Variants in PTPRB observed in about 807,000 individuals in gnomAD.
PTPRB encodes the protein protein tyrosine phosphatase receptor type B.
Under a neutral mutation model 238.1 loss-of-function variants are expected in PTPRB, and 97 were observed. The observed-to-expected ratio is 0.41, with a 90% CI of 0.35 to 0.48. The LOEUF (loss-of-function observed/expected upper bound fraction) is 0.48, where lower values mean the gene tolerates loss of function less well. PTPRB is among the 20% of genes least tolerant of loss of function. PTPRB has a pLI of 0.30. For missense variants in PTPRB, 2,292 were observed against 2,681.9 expected (o/e 0.85, Z 3.21); for synonymous variants, 970 against 995.4 (o/e 0.97, Z 0.48).
At chr12:70,608,279 A>C (rs1361831344) in intron 4 of PTPRB, among the ~76,000 whole-genome samples, 1 of 152,238 alleles carries the variant, frequency 6.6e-6, no homozygotes, top group African/African-American at 2.4e-5. Context: ...TTGTTAAAGA[A>C]TTTAGAGCAT....
chr12:70,622,767 G>T, intron 2 of PTPRB, 121 bp from the exon 3 acceptor site: 3 of 1,217,280 alleles, frequency 2.5e-6, no homozygotes, highest in Non-Finnish European at 3.3e-6. Context: ...ATAAGCTTCA[G>T]TTATATGAAA....
chr12:70,571,141 T>C lies in PTPRB; in HGVS notation c.3255A>G (p.Val1085=). Residue 1085 remains valine (V), a synonymous_variant, in exon 13 of 34, where the codon GTA becomes GTG. Coordinates refer to ENST00000334414, the MANE Select transcript of PTPRB (RefSeq NM_001109754.4). The part of the protein sequence containing the change: ...DMKVFPPFHL[V]NTATEYRFTS... ...TAAATCGATACTCGGTTGCGGTATT[T>C]ACAAGGTGAAAAGGAGGAAATACTT... 1 of 1,613,996 alleles carries C rather than the reference T, an allele frequency of 6.2e-7. No homozygotes were observed. Among genetic ancestry groups the C allele is most frequent in the South Asian group, 1.1e-5 (1 of 91,082 alleles).
chr12:70,622,953 G>GGC (rs1555240200), intron 2 of PTPRB, among the ~76,000 whole-genome samples: 1 of 151,402 alleles, frequency 6.6e-6, no homozygotes, highest in African/African-American at 2.4e-5. Flanking sequence ...GAATTTAGGG[G>GGC]GGGGGTCACT....
Position 70,587,230 on chromosome 12 carries a change from G to A in PTPRB, c.2088C>T (p.Ala696=), listed in dbSNP as rs1209993512. Residue 696 remains alanine, a synonymous_variant, in exon 9 of 34, where the codon GCC becomes GCT. Coordinates refer to ENST00000334414, the MANE Select transcript of PTPRB (RefSeq NM_001109754.4). ...ACATGATACTCAGTGAGGTTTCATTGGCATGTTTGACACGAAGCTGGAGGA... is the reference window on the plus strand; with the variant it reads ...ACATGATACTCAGTGAGGTTTCATTAGCATGTTTGACACGAAGCTGGAGGA... ...LAVLQLRVKH[A]NETSLSIMWQ... is the part of the protein sequence containing the mutation. 1.2e-6 allele frequency: 2 copies of A among 1,613,844 alleles called. No homozygotes were observed. The highest frequency in any genetic ancestry group is 2.2e-5 in the South Asian group (2 of 91,070).
intron 3 of PTPRB, among the ~76,000 whole-genome samples, chr12:70,621,754 T>A (rs1884945193): frequency 6.6e-6 from 1 of 152,190 alleles, no homozygotes; most frequent in Admixed American, 6.5e-5. Context: ...GTGCTATAAT[T>A]ACATGTATTG....
chr12:70,553,708 A>T (rs936172961), intron 20 of PTPRB, among the ~76,000 whole-genome samples: 1 of 152,260 alleles, frequency 6.6e-6, no homozygotes, highest in African/African-American at 2.4e-5. Context: ...TACTATTTAC[A>T]ATGAGCTTCA....
chr12:70,634,946 A>G (rs1021642810), intron 2 of PTPRB, among the ~76,000 whole-genome samples: 2 of 152,226 alleles, frequency 1.3e-5, no homozygotes, highest in African/African-American at 2.4e-5. Context: ...ATTAACTTCA[A>G]GAGAAGATTA....
intron 28 of PTPRB, among the ~76,000 whole-genome samples, chr12:70,537,301 A>G (rs1342552542): frequency 6.6e-6 from 1 of 151,518 alleles, no homozygotes; most frequent in African/African-American, 2.4e-5. Flanking sequence ...AAAAAAAAAA[A>G]AAAAAAAGAA....
chr12:70,534,465 T>C (rs1246941086), intron 31 of PTPRB, 23 bp downstream of exon 31: 2 of 1,607,396 alleles, frequency 1.2e-6, no homozygotes, highest in African/African-American at 1.3e-5. Flanking sequence ...TGCCATTTTA[T>C]TGGCTGCTAG....
chr12:70,534,737 G>C (rs1385049995), intron 30 of PTPRB, 86 bp from the exon 31 acceptor site: 1 of 1,597,938 alleles, frequency 6.3e-7, no homozygotes, highest in African/African-American at 1.3e-5. Flanking sequence ...CAACTCCTAT[G>C]GGCTGAAACT....
At chr12:70,564,455 G>T (rs1397734223) in intron 15 of PTPRB, among the ~76,000 whole-genome samples, 1 of 150,144 alleles carries the variant, frequency 6.7e-6, no homozygotes, top group Non-Finnish European at 1.5e-5. Context: ...GGAGGTGGAG[G>T]TTGTGGTGAG....
intron 32 of PTPRB, among the ~76,000 whole-genome samples, chr12:70,527,356 A>C (rs999345678): frequency 6.6e-6 from 1 of 152,226 alleles, no homozygotes; most frequent in Non-Finnish European, 1.5e-5. Flanking sequence ...AAGTAAGGCA[A>C]CATAACATAC....
chr12:70,594,786 C>A, intron 5 of PTPRB, 62 bp from the exon 6 acceptor site: 1 of 1,560,850 alleles, frequency 6.4e-7, no homozygotes. Flanking sequence ...GACATAGACA[C>A]ATTTAATTAG....
chr12:70,615,900 G>A (rs2136563013), intron 3 of PTPRB, among the ~76,000 whole-genome samples: 1 of 152,296 alleles, frequency 6.6e-6, no homozygotes, highest in South Asian at 2.1e-4. Flanking sequence ...GGAATAGGCT[G>A]CATATATCCT....
intron 3 of PTPRB, among the ~76,000 whole-genome samples, chr12:70,613,331 A>C (rs1419577051): frequency 6.6e-6 from 1 of 151,740 alleles, no homozygotes; most frequent in African/African-American, 2.4e-5. Flanking sequence ...CTGATAATTC[A>C]TTTACTTTCA....
intron 23 of PTPRB, 102 bp downstream of exon 23, chr12:70,540,756 A>AAAATT: frequency 2.3e-6 from 2 of 871,314 alleles, no homozygotes; most frequent in Non-Finnish European, 3.6e-6. Flanking sequence ...TTAACCTGGA[A>AAAATT]AAATTAAATT....
chr12:70,557,650 C>CT (rs2136317253), intron 18 of PTPRB, among the ~76,000 whole-genome samples: 1 of 152,328 alleles, frequency 6.6e-6, no homozygotes, highest in East Asian at 1.9e-4. Flanking sequence ...TGTGCATAGT[C>CT]TATCAACCCC....
At chr12:70,592,246 G>C in intron 7 of PTPRB, 36 bp downstream of exon 7, 1 of 1,613,452 alleles carries the variant, frequency 6.2e-7, no homozygotes, top group Non-Finnish European at 8.5e-7. Context: ...AGAGTGATTT[G>C]AGCAACCAAG....
Position 70,596,276 on chromosome 12 carries a change from G to C in PTPRB, c.1031C>G (p.Thr344Ser). ...AGGAGTCCACCAAACATGCAAGCTG[G>C]TTGAAGTCGTCTTCTCTTTACTGAC... ...FGVSKEKTTS[T>S]SLHVWWTPSS... The change falls in exon 5 of 34, where the codon ACC (threonine) becomes AGC (serine). Residue 344 changes from threonine to serine, a missense_variant. Physicochemically the swap from Thr to Ser is moderately conservative, Grantham distance 58. This residue lies in a region of PTPRB where 1,205 missense variants were observed against 1,287.8 expected (regional missense o/e 0.94). Coordinates refer to ENST00000334414, the MANE Select transcript of PTPRB (RefSeq NM_001109754.4). The C allele has an allele frequency of 6.2e-7, 1 of 1,610,398 alleles. No homozygotes were observed. Among genetic ancestry groups the C allele is most frequent in the Non-Finnish European group, 8.5e-7 (1 of 1,178,714 alleles).
Sources: allele counts gnomAD v4.1 joint callset (sites outside exome capture counted in the v4.1 genomes callset), GRCh38; gene constraint gnomAD v4.1.1; regional missense constraint gnomAD v4.1.1; transcripts MANE v1.5; gene names NCBI Gene and HGNC (gene_info 2026-07-23, HGNC 2026-07-21).